Variants in EXOC4 observed in about 807,000 individuals in gnomAD.
The protein encoded by EXOC4 is exocyst complex component 4.
EXOC4 carries 71 observed loss-of-function variants against 107.2 expected under a neutral mutation model. The observed-to-expected ratio is 0.66, with a 90% CI of 0.55 to 0.81. The LOEUF is 0.81. Ranked by LOEUF, EXOC4 falls within the 30% of genes least tolerant of loss-of-function variation. The pLI is 0.00. For missense variants in EXOC4, 1,108 were observed against 1,189.6 expected (o/e 0.93, Z 1.01); for synonymous variants, 456 against 441.2 (o/e 1.03, Z -0.42).
At chr7:133,854,435 CACACACACACACACAT>C (rs1312757586) in intron 11 of EXOC4, among the ~76,000 whole-genome samples, 2 of 151,704 alleles carry the variant, frequency 1.3e-5, no homozygotes, top group African/African-American at 2.4e-5. Flanking sequence ...CACACACACA[CACACACACACACACAT>C]ACATTTTAAT....
At chr7:133,404,446 A>G (rs1316559549) in intron 7 of EXOC4, among the ~76,000 whole-genome samples, 1 of 151,938 alleles carries the variant, frequency 6.6e-6, no homozygotes, top group African/African-American at 2.4e-5. Flanking sequence ...ATTCCTTGAC[A>G]TGGCACACAA....
chr7:133,518,994 A>G lies in EXOC4; in HGVS notation c.1417+38856A>G, dbSNP rs1049587433. 4.6e-5 allele frequency among the ~76,000 whole-genome samples: 7 copies of G among 152,310 alleles called. No individual in the cohort carries two copies. The South Asian group carries it at 1.0e-3, about 23-fold the overall frequency. On this transcript the variant is annotated intron_variant, in intron 9 of 17. Coordinates refer to ENST00000253861, the MANE Select transcript of EXOC4 (RefSeq NM_021807.4). Reference sequence around the variant, plus strand: ...TAGTAAAAATGGTAATTTTTATGTTATGTATATTTTTCCTCAATTAAAAAA... The same window carrying G: ...TAGTAAAAATGGTAATTTTTATGTTGTGTATATTTTTCCTCAATTAAAAAA...
At chr7:133,677,379 T>G (rs1163102590) in intron 10 of EXOC4, among the ~76,000 whole-genome samples, 1 of 152,178 alleles carries the variant, frequency 6.6e-6, no homozygotes, top group Non-Finnish European at 1.5e-5. Context: ...GACACTTCCA[T>G]CTTTGTCAAG....
intron 10 of EXOC4, among the ~76,000 whole-genome samples, chr7:133,801,147 A>G (rs538931589): frequency 7.9e-4 from 121 of 152,280 alleles, no homozygotes; most frequent in African/African-American, 2.7e-3. Context: ...AATGAATTAT[A>G]TATTATCGGG....
At chr7:133,413,308 T>G (rs987253585) in intron 7 of EXOC4, among the ~76,000 whole-genome samples, 13 of 151,910 alleles carry the variant, frequency 8.6e-5, no homozygotes, top group Non-Finnish European at 1.6e-4. Context: ...CTTGTCATTT[T>G]GCTTAGTGCC....
intron 11 of EXOC4, among the ~76,000 whole-genome samples, chr7:133,844,604 G>A (rs945936214): frequency 6.6e-6 from 1 of 151,632 alleles, no homozygotes; most frequent in South Asian, 2.1e-4. Flanking sequence ...TGGCCAGGAT[G>A]GTCTCGATCT....
Position 134,000,373 on chromosome 7 carries a change from G to C in EXOC4, c.2348+2740G>C, listed in dbSNP as rs143624908. ...AGAGGTGTCTGCTAAGTGCTCTGGG[G>C]GCGTGACTGTGGTAGAGACCATCGA... is the stretch of plus-strand genomic sequence containing the variant. On this transcript the variant is annotated intron_variant, in intron 15 of 17. Transcript: ENST00000253861. 4.8e-3 allele frequency among the ~76,000 whole-genome samples: 735 copies of C among 152,198 alleles called. 6 individuals are homozygous for C. The highest frequency in any genetic ancestry group is 0.017 in the African/African-American group (687 of 41,534).
intron 14 of EXOC4, among the ~76,000 whole-genome samples, chr7:133,949,512 A>G (rs1187333868): frequency 6.6e-6 from 1 of 152,236 alleles, no homozygotes; most frequent in East Asian, 1.9e-4. Context: ...CAAGGAAGCA[A>G]AAATCCTGTA....
chr7:133,467,168 A>G (rs1302600815), intron 7 of EXOC4, among the ~76,000 whole-genome samples: 1 of 151,254 alleles, frequency 6.6e-6, no homozygotes, highest in African/African-American at 2.4e-5. Flanking sequence ...TGTTTATAGA[A>G]CCATAATTTT....
chr7:133,837,514 T>C (rs74828714), intron 11 of EXOC4, among the ~76,000 whole-genome samples: 6,221 of 152,316 alleles, frequency 0.041, 445 homozygotes, highest in African/African-American at 0.14. Flanking sequence ...TTCAGCTCTT[T>C]GACAAATGAT....
chr7:133,278,801 A>G (rs1305878065), intron 2 of EXOC4, among the ~76,000 whole-genome samples: 1 of 152,142 alleles, frequency 6.6e-6, no homozygotes, highest in Non-Finnish European at 1.5e-5. Flanking sequence ...CAGGAATAAC[A>G]TGATGTGGCT....
chr7:133,720,147 T>C (rs1397691902), intron 10 of EXOC4, among the ~76,000 whole-genome samples: 1 of 152,200 alleles, frequency 6.6e-6, no homozygotes, highest in Admixed American at 6.5e-5. Context: ...AATCTACCCC[T>C]GAAATAATGC....
chr7:133,800,884 G>A (rs979639273), intron 10 of EXOC4, among the ~76,000 whole-genome samples: 1 of 152,260 alleles, frequency 6.6e-6, no homozygotes, highest in East Asian at 1.9e-4. Context: ...TCATGCTTTT[G>A]TTCCATTCCA....
chr7:133,349,964 A>G lies in EXOC4; in HGVS notation c.764-6366A>G, dbSNP rs201024802. Among the ~76,000 whole-genome samples, 4 of 151,998 alleles carry G rather than the reference A, an allele frequency of 2.6e-5. No individual in the cohort carries two copies. The East Asian group carries it at 7.7e-4, about 29-fold the overall frequency. On this transcript the variant is annotated intron_variant, in intron 5 of 17. Transcript: ENST00000253861. ...ATGTTAGGCATCATTTCAAGTGCATATTGGCCATTTGTATATCTTCTTTGA... is the reference window on the plus strand; with the variant it reads ...ATGTTAGGCATCATTTCAAGTGCATGTTGGCCATTTGTATATCTTCTTTGA...
intron 11 of EXOC4, among the ~76,000 whole-genome samples, chr7:133,869,569 C>A (rs1410681774): frequency 6.6e-6 from 1 of 152,120 alleles, no homozygotes; most frequent in Non-Finnish European, 1.5e-5. Flanking sequence ...AGTAGGTGCT[C>A]AAGAAATATT....
chr7:133,710,204 C>G (rs1396424009), intron 10 of EXOC4, among the ~76,000 whole-genome samples: 4 of 152,092 alleles, frequency 2.6e-5, no homozygotes, highest in African/African-American at 9.7e-5. Flanking sequence ...TGGGACAGAC[C>G]TTGGAGATAT....
chr7:133,984,788 G>A (rs746750187), intron 14 of EXOC4, among the ~76,000 whole-genome samples: 1 of 152,164 alleles, frequency 6.6e-6, no homozygotes, highest in Non-Finnish European at 1.5e-5. Flanking sequence ...CACAGTGCAA[G>A]GTGCCACATC....
chr7:133,680,495 G>A (rs1052825272), intron 10 of EXOC4, among the ~76,000 whole-genome samples: 6 of 152,174 alleles, frequency 3.9e-5, no homozygotes, highest in African/African-American at 1.4e-4. Flanking sequence ...ACGACAGGAC[G>A]TAAAATGGAT....
chr7:133,713,615 C>T (rs115321715), intron 10 of EXOC4, among the ~76,000 whole-genome samples: 1,553 of 152,268 alleles, frequency 0.01, 23 homozygotes, highest in African/African-American at 0.035. Context: ...TTGTAATCCT[C>T]ATAATCACCA....
Sources: gnomAD v4.1 joint callset for allele counts (sites outside exome capture counted in the v4.1 genomes callset) on GRCh38, gnomAD v4.1.1 for gene constraint, MANE v1.5 for transcripts, NCBI Gene and HGNC (gene_info 2026-07-23, HGNC 2026-07-21) for gene names.